Variants in CHSY1 observed in about 807,000 individuals in gnomAD.
CHSY1 encodes chondroitin sulfate synthase 1.
A neutral mutation model predicts 59.8 loss-of-function variants in CHSY1; 13 were observed. That is an observed-to-expected ratio of 0.22 (90% CI 0.14 to 0.35). The LOEUF is 0.35. CHSY1 is among the 10% of genes least tolerant of loss of function. The probability of loss-of-function intolerance (pLI) is 1.00; values close to 1 mark genes in which losing one functional copy is unlikely to be tolerated. For synonymous variants in CHSY1, 459 were observed against 401.2 expected, an observed-to-expected ratio of 1.14 and a Z score of -1.72; for missense variants, 947 against 1,030.6, an observed-to-expected ratio of 0.92 and a Z score of 1.11.
At chr15:101,206,879 C>T (rs1313162216) in intron 2 of CHSY1, among the ~76,000 whole-genome samples, 2 of 152,210 alleles carry the variant, frequency 1.3e-5, no homozygotes, top group Non-Finnish European at 2.9e-5. Context: ...TGCAATGATA[C>T]TCTAGGACAC....
Position 101,235,109 on chromosome 15 carries a change from T to G in CHSY1, c.789A>C (p.Ala263=). Reference sequence around the variant, plus strand: ...CATAAGACCAGACACACTGCACCCCTGCAAACCTCCGGACACACCTTCCCA... The same window carrying G: ...CATAAGACCAGACACACTGCACCCCGGCAAACCTCCGGACACACCTTCCCA... ...VEVGRCVRRF[A]GVQCVWSYEM... Residue 263 remains alanine (A), a synonymous_variant, in exon 2 of 3, where the codon GCA becomes GCC. Coordinates refer to ENST00000254190, the MANE Select transcript of CHSY1 (RefSeq NM_014918.5). 2 of 1,614,122 alleles carry G rather than the reference T, an allele frequency of 1.2e-6. No individual in the cohort carries two copies. Among genetic ancestry groups the G allele is most frequent in the Non-Finnish European group, 1.7e-6 (2 of 1,180,040 alleles).
chr15:101,219,927 C>T (rs968180455), intron 2 of CHSY1, among the ~76,000 whole-genome samples: 4 of 152,116 alleles, frequency 2.6e-5, no homozygotes, highest in South Asian at 2.1e-4. Flanking sequence ...CCACCACGCC[C>T]GGCTAATTTT....
intron 2 of CHSY1, among the ~76,000 whole-genome samples, chr15:101,215,550 C>G (rs2038723176): frequency 6.6e-6 from 1 of 152,222 alleles, no homozygotes; most frequent in African/African-American, 2.4e-5. Context: ...GCCTGGCCAA[C>G]ATGGCAAAAC....
chr15:101,197,591 C>T (rs1300078528), intron 2 of CHSY1, among the ~76,000 whole-genome samples: 7 of 152,144 alleles, frequency 4.6e-5, no homozygotes, highest in East Asian at 3.9e-4. Context: ...CCCCAAATTA[C>T]GGCATTTATA....
chr15:101,251,225 C>A lies in CHSY1; in HGVS notation c.232G>T (p.Asp78Tyr). 1 of 1,588,852 alleles carries A rather than the reference C, an allele frequency of 6.3e-7. No homozygotes were observed. ...AAGTTCCTGTCGCGCGGGCCGCCAT[C>A]TGGGTCCGAGCCGGGCGGCCAGAGC... ...AQLWPPGSDP[D>Y]GGPRDRNFLF... Residue 78 changes from aspartate to tyrosine, a missense_variant, in exon 1 of 3, where the codon GAT (aspartate) becomes TAT (tyrosine). Asp to Tyr is a radical substitution (Grantham distance 160). This residue lies in a region of CHSY1 where 232 missense variants were observed against 188.5 expected (regional missense o/e 1.23). Transcript: ENST00000254190.
intron 2 of CHSY1, among the ~76,000 whole-genome samples, chr15:101,222,340 G>A (rs960577955): frequency 7.2e-5 from 11 of 152,182 alleles, no homozygotes; most frequent in African/African-American, 2.7e-4. Flanking sequence ...TAGCCACTTT[G>A]TACTTCAAGA....
intron 2 of CHSY1, among the ~76,000 whole-genome samples, chr15:101,197,105 G>A (rs779571423): frequency 1.3e-4 from 20 of 152,016 alleles, no homozygotes; most frequent in Non-Finnish European, 2.5e-4. Context: ...GAGATTTTCC[G>A]GCCAGGTGCG....
chr15:101,240,206 T>C (rs946525613), intron 1 of CHSY1, among the ~76,000 whole-genome samples: 1 of 152,172 alleles, frequency 6.6e-6, no homozygotes, highest in Non-Finnish European at 1.5e-5. Flanking sequence ...TCTTTTCAAT[T>C]AGGGTCCTTT....
intron 2 of CHSY1, among the ~76,000 whole-genome samples, chr15:101,220,313 C>T (rs1396319867): frequency 6.6e-6 from 1 of 152,122 alleles, no homozygotes; most frequent in Non-Finnish European, 1.5e-5. Context: ...GCCTCTATCT[C>T]CCTAACTGCC....
chr15:101,195,822 CAA>C (rs777935360), intron 2 of CHSY1, among the ~76,000 whole-genome samples: 6 of 74,382 alleles, frequency 8.1e-5, no homozygotes, highest in Non-Finnish European at 1.0e-4. Context: ...GACTCCGTCT[CAA>C]AAAAAAAAAA....
chr15:101,236,306 C>A (rs957430066), intron 1 of CHSY1, among the ~76,000 whole-genome samples: 1 of 152,120 alleles, frequency 6.6e-6, no homozygotes, highest in Non-Finnish European at 1.5e-5. Context: ...CCACATGTTG[C>A]GGGAGGGACC....
intron 2 of CHSY1, among the ~76,000 whole-genome samples, chr15:101,191,460 A>G (rs1302396260): frequency 2.0e-5 from 3 of 152,224 alleles, no homozygotes; most frequent in Non-Finnish European, 2.9e-5. Context: ...GATTTTTAGG[A>G]CAGTGAACTG....
intron 2 of CHSY1, among the ~76,000 whole-genome samples, chr15:101,232,234 A>G (rs1044161797): frequency 6.6e-6 from 1 of 152,152 alleles, no homozygotes; most frequent in African/African-American, 2.4e-5. Context: ...GCTTAACGTA[A>G]TTGTCTTTAA....
At chr15:101,194,214 T>C (rs984794140) in intron 2 of CHSY1, among the ~76,000 whole-genome samples, 3 of 152,264 alleles carry the variant, frequency 2.0e-5, no homozygotes, top group Admixed American at 6.5e-5. Context: ...TTCTGTTTTA[T>C]TATTAACATT....
Position 101,237,222 on chromosome 15 carries a change from TAAAAAAAAAA to T in CHSY1, c.321-1655_321-1646del, listed in dbSNP as rs56731913. On this transcript the variant is annotated intron_variant, in intron 1 of 2. Coordinates refer to ENST00000254190, the MANE Select transcript of CHSY1 (RefSeq NM_014918.5). The stretch of plus-strand genomic sequence containing the variant: ...CTGGACAAAAGAGCAAGACTCCATC[TAAAAAAAAAA>T]AAAAAAAAAAAAAAAACAGAGGCAA... Among the ~76,000 whole-genome samples, 4 of 57,358 alleles carry T rather than the reference TAAAAAAAAAA, an allele frequency of 7.0e-5. No homozygotes were observed. In the South Asian group the frequency reaches 2.8e-3, roughly 40 times the overall value. 37.6% of individuals were successfully genotyped at this position (57,358 alleles called of 152,430 possible).
chr15:101,193,994 C>G (rs1049061524), intron 2 of CHSY1, among the ~76,000 whole-genome samples: 5 of 152,266 alleles, frequency 3.3e-5, no homozygotes, highest in African/African-American at 4.8e-5. Context: ...CCTTCTTCCT[C>G]CATGTGCTCA....
chr15:101,250,657 G>T (rs1056391917), intron 1 of CHSY1, among the ~76,000 whole-genome samples: 1 of 152,214 alleles, frequency 6.6e-6, no homozygotes, highest in African/African-American at 2.4e-5. Context: ...CTCCAACTGC[G>T]AAATGTGAGA....
chr15:101,188,177 G>A (rs2038395549), intron 2 of CHSY1: 4 of 985,460 alleles, frequency 4.1e-6, no homozygotes, highest in Non-Finnish European at 4.8e-6. Flanking sequence ...CTTAGGCAGC[G>A]TTTCAGTTCA....
In CHSY1 at chr15:101,176,055, TAGTAAA is replaced by T; in HGVS notation, c.*1327_*1332del. 5.2e-6 allele frequency: 2 copies of T among 387,582 alleles called. No individual in the cohort carries two copies. The highest frequency in any genetic ancestry group is 9.1e-6 in the Non-Finnish European group (2 of 219,714). 24.0% of individuals were successfully genotyped at this position (387,582 alleles called of 1,614,324 possible). On this transcript the variant is annotated 3_prime_UTR_variant, in exon 3 of 3. Transcript: ENST00000254190. ...AAATTGTCAAAGAACACTTAATATT[TAGTAAA>T]ACAGTAAGGAATATAAAAATTAAGG...
Sources: gnomAD v4.1 joint callset for allele counts (sites outside exome capture counted in the v4.1 genomes callset) on GRCh38, gnomAD v4.1.1 for gene constraint, gnomAD v4.1.1 regional missense constraint, MANE v1.5 for transcripts, NCBI Gene and HGNC (gene_info 2026-07-23, HGNC 2026-07-21) for gene names.